The following GAN variants were observed in gnomAD, a reference collection of about 807,000 sequenced individuals.
GAN encodes gigaxonin, also known as epididymis secretory sperm binding protein.
A neutral mutation model predicts 71.3 loss-of-function variants in GAN; 48 were observed. The observed-to-expected ratio is 0.67, with a 90% CI of 0.53 to 0.86. The LOEUF is 0.86. GAN is among the 40% of genes least tolerant of loss of function. The pLI is 0.00. For missense variants in GAN, 928 were observed against 770.1 expected (o/e 1.21, Z -2.43); for synonymous variants, 386 against 276.8 (o/e 1.39, Z -3.92).
intron 5 of GAN, among the ~76,000 whole-genome samples, chr16:81,359,357 A>G (rs935951149): frequency 2.0e-5 from 3 of 151,640 alleles, no homozygotes; most frequent in African/African-American, 7.3e-5. Flanking sequence ...ATTGATGGAA[A>G]CAGAAGTGAG....
At chr16:81,366,932 C>T (rs561846228) in intron 9 of GAN, among the ~76,000 whole-genome samples, 1 of 152,170 alleles carries the variant, frequency 6.6e-6, no homozygotes, top group African/African-American at 2.4e-5. Flanking sequence ...TCAAGCGATT[C>T]TTCCACCTCG....
At position 81,357,804 on chromosome 16, in the gene GAN, C is replaced by G; in HGVS notation, c.852-6C>G. On this transcript the variant is annotated splice_polypyrimidine_tract_variant and splice_region_variant and intron_variant, in intron 4 of 10. Coordinates refer to ENST00000648994, the MANE Select transcript of GAN (RefSeq NM_022041.4). ...TTAACTACTGATCACTTATTTACTT[C>G]CTTAGTTCACGGAAACCCACAGCAG... 2 of 1,612,422 alleles carry G rather than the reference C, an allele frequency of 1.2e-6. No homozygotes were observed. Among genetic ancestry groups the G allele is most frequent in the South Asian group, 1.1e-5 (1 of 91,042 alleles).
At position 81,378,444 on chromosome 16, in the gene GAN, T is replaced by G. The variant is rs1360234792; in HGVS notation, c.*848T>G. The G allele has an allele frequency of 6.6e-6, 1 of 152,162 alleles. No homozygotes were observed. The allele number at this position is 152,162 out of a possible 1,614,324, so 9.4% of individuals were successfully genotyped here. A position where few individuals can be genotyped will look rare whatever the true frequency, so the allele number is the denominator to read the frequency against. ...ATGAGGATATTAGTGAGTAGGAGAT[T>G]TTATAAAAGAAAGACCTGAGTCAGA... On this transcript the variant is annotated 3_prime_UTR_variant, in exon 11 of 11. Transcript: ENST00000648994.
At chr16:81,367,459 G>GT (rs1423570656) in intron 9 of GAN, among the ~76,000 whole-genome samples, 1 of 152,150 alleles carries the variant, frequency 6.6e-6, no homozygotes, top group African/African-American at 2.4e-5. Flanking sequence ...AACCCAGGAG[G>GT]TGGAGTGTGC....
At chr16:81,351,313 G>A (rs998418244) in intron 1 of GAN, among the ~76,000 whole-genome samples, 4 of 152,192 alleles carry the variant, frequency 2.6e-5, no homozygotes, top group African/African-American at 4.8e-5. Context: ...TTTCCAAGGT[G>A]AAATACAGAT....
chr16:81,330,691 T>C (rs983894777), intron 1 of GAN, among the ~76,000 whole-genome samples: 7 of 152,218 alleles, frequency 4.6e-5, no homozygotes, highest in Admixed American at 1.3e-4. Context: ...AAGGGTGAGA[T>C]TTTGAGGAGA....
At chr16:81,318,577 C>G (rs564680477) in intron 1 of GAN, among the ~76,000 whole-genome samples, 7 of 152,270 alleles carry the variant, frequency 4.6e-5, no homozygotes, top group African/African-American at 1.7e-4. Flanking sequence ...GAAGCCAGTC[C>G]AACTCTGTCA....
At chr16:81,363,726 T>A in intron 6 of GAN, 68 bp from the exon 7 acceptor site, 1 of 1,459,652 alleles carries the variant, frequency 6.9e-7, no homozygotes, top group Non-Finnish European at 9.6e-7. Context: ...TTTTATTAAG[T>A]GTATGAATAT....
intron 1 of GAN, among the ~76,000 whole-genome samples, chr16:81,340,389 C>A (rs1909901358): frequency 6.6e-6 from 1 of 152,200 alleles, no homozygotes. Context: ...GTCCAACACA[C>A]ACCTCACACA....
intron 2 of GAN, among the ~76,000 whole-genome samples, chr16:81,354,173 A>G (rs1172511008): frequency 1.3e-5 from 2 of 152,184 alleles, no homozygotes; most frequent in African/African-American, 4.8e-5. Flanking sequence ...ACATTGGTAC[A>G]GCAAGGGCAG....
At chr16:81,376,513 G>A (rs910657327) in intron 9 of GAN, among the ~76,000 whole-genome samples, 162 of 134,650 alleles carry the variant, frequency 1.2e-3, no homozygotes, top group African/African-American at 3.3e-3. Flanking sequence ...GTGTGTGTAT[G>A]TGTGTGTGTA....
At chr16:81,322,583 GTAGA>G (rs1909255818) in intron 1 of GAN, among the ~76,000 whole-genome samples, 2 of 152,184 alleles carry the variant, frequency 1.3e-5, no homozygotes, top group Admixed American at 6.5e-5. Context: ...ATTTTTGCTC[GTAGA>G]TATTTTGTGG....
intron 1 of GAN, among the ~76,000 whole-genome samples, chr16:81,349,334 C>T (rs1343097505): frequency 1.3e-5 from 2 of 152,084 alleles, no homozygotes; most frequent in Non-Finnish European, 2.9e-5. Flanking sequence ...AGTCAGTTAC[C>T]CTTGTCTGTT....
Position 81,356,852 on chromosome 16 carries a change from A to T in GAN, c.701A>T (p.Gln234Leu), listed in dbSNP as rs1323162015. ...TTGGACTCCAGTTATTTACGGGAAC[A>T]GATGCTGAATGAACCATTAGTACGA... The part of the protein sequence containing the change: ...SGLDSSYLRE[Q>L]MLNEPLVREI... The change falls in exon 4 of 11, where the codon CAG becomes CTG. Residue 234 changes from glutamine to leucine, a missense_variant. Gln to Leu is a moderately radical substitution (Grantham distance 113). Transcript: ENST00000648994. The T allele has an allele frequency of 3.1e-6, 5 of 1,613,746 alleles. No homozygotes were observed. In the African/African-American group the frequency reaches 6.7e-5, roughly 22 times the overall value.
rs117399352 is a variant in GAN at position 81,332,527 on chromosome 16, A to C, written c.167+17247A>C. Among the ~76,000 whole-genome samples, 73 of 152,286 alleles carry C rather than the reference A, an allele frequency of 4.8e-4. 2 individuals are homozygous for C. The East Asian group carries it at 9.6e-3, about 20-fold the overall frequency. On this transcript the variant is annotated intron_variant, in intron 1 of 10. Transcript: ENST00000648994. ...CCTTGGTGTACTTGCTCTCCCTCCA[A>C]GTATGCCTGCAAGTGCTCAGCCAAC... is the stretch of plus-strand genomic sequence containing the variant.
rs201712999 is a variant in GAN at position 81,376,623 on chromosome 16, TATAC to T, written c.1503-588_1503-585del. On this transcript the variant is annotated intron_variant, in intron 9 of 10. Transcript: ENST00000648994. The stretch of plus-strand genomic sequence containing the variant: ...TATATTATATGTATGTATATGTATA[TATAC>T]ATACATATATGTGTGTATATATGTG... Among the ~76,000 whole-genome samples, 1,280 of 151,000 alleles carry T rather than the reference TATAC, an allele frequency of 8.5e-3. 24 individuals carry two copies. The highest frequency in any genetic ancestry group is 0.073 in the East Asian group (374 of 5,138).
At chr16:81,363,981 C>T in intron 7 of GAN, 38 bp downstream of exon 7, 3 of 1,521,724 alleles carry the variant, frequency 2.0e-6, no homozygotes, top group Non-Finnish European at 2.7e-6. Flanking sequence ...TCTGTGTACA[C>T]ATTGGATTTT....
At chr16:81,346,126 A>T (rs1374901736) in intron 1 of GAN, among the ~76,000 whole-genome samples, 4 of 152,248 alleles carry the variant, frequency 2.6e-5, no homozygotes, top group African/African-American at 9.6e-5. Context: ...GTTAGTGTCC[A>T]TCTGGGTCTA....
intron 1 of GAN, among the ~76,000 whole-genome samples, chr16:81,333,155 T>C (rs148360368): frequency 6.7e-6 from 1 of 148,992 alleles, no homozygotes; most frequent in African/African-American, 2.5e-5. Flanking sequence ...GGCAGGAGAA[T>C]CGCTTGAACC....
Sources: allele counts gnomAD v4.1 joint callset (sites outside exome capture counted in the v4.1 genomes callset), GRCh38; gene constraint gnomAD v4.1.1; transcripts MANE v1.5; gene names NCBI Gene and HGNC (gene_info 2026-07-23, HGNC 2026-07-21).